Variants in CDH13 observed in about 807,000 individuals in gnomAD.
CDH13 encodes the protein cadherin-13.
In CDH13, 24 loss-of-function variants were observed where a neutral mutation model predicts 63.8. That is an observed-to-expected ratio of 0.38 (90% CI 0.27 to 0.53). The LOEUF (loss-of-function observed/expected upper bound fraction) is 0.53. Ranked by LOEUF, CDH13 falls within the 20% of genes least tolerant of loss-of-function variation. CDH13 has a pLI of 0.85. For synonymous variants in CDH13, 503 were observed against 355.3 expected, an observed-to-expected ratio of 1.42 and a Z score of -4.67; for missense variants, 1,049 against 903.1, an observed-to-expected ratio of 1.16 and a Z score of -2.07.
At chr16:82,809,665 A>T (rs1393500702) in intron 1 of CDH13, among the ~76,000 whole-genome samples, 1 of 152,124 alleles carries the variant, frequency 6.6e-6, no homozygotes, top group African/African-American at 2.4e-5. Flanking sequence ...ACATAAAGGT[A>T]TTAAAGTGAT....
chr16:83,094,321 CTT>C (rs2034084139), intron 3 of CDH13, among the ~76,000 whole-genome samples: 1 of 152,122 alleles, frequency 6.6e-6, no homozygotes, highest in African/African-American at 2.4e-5. Flanking sequence ...AAGAGGGAAA[CTT>C]TGGGAAATGT....
At chr16:83,129,521 G>A (rs549125000) in intron 4 of CDH13, among the ~76,000 whole-genome samples, 2 of 152,294 alleles carry the variant, frequency 1.3e-5, no homozygotes, top group African/African-American at 4.8e-5. Context: ...TGACTGGATT[G>A]TAATGTCAGG....
At chr16:83,265,753 T>TTC (rs369864549) in intron 5 of CDH13, among the ~76,000 whole-genome samples, 1 of 132,548 alleles carries the variant, frequency 7.5e-6, no homozygotes, top group Non-Finnish European at 1.7e-5. Flanking sequence ...TTTTTTTTTT[T>TTC]GGTCTGTGTC....
chr16:83,284,139 C>T (rs1156571936), intron 5 of CDH13, among the ~76,000 whole-genome samples: 1 of 152,096 alleles, frequency 6.6e-6, no homozygotes, highest in African/African-American at 2.4e-5. Context: ...TTTCAAAGAG[C>T]ATGTATTTCT....
intron 1 of CDH13, among the ~76,000 whole-genome samples, chr16:82,698,347 G>C (rs2030579145): frequency 6.6e-6 from 1 of 152,218 alleles, no homozygotes; most frequent in African/African-American, 2.4e-5. Context: ...TCTATCTCCT[G>C]GGTACTCTCT....
intron 11 of CDH13, among the ~76,000 whole-genome samples, chr16:83,753,634 T>C (rs1434776091): frequency 6.6e-6 from 1 of 152,114 alleles, no homozygotes; most frequent in African/African-American, 2.4e-5. Flanking sequence ...TTTAATTTAT[T>C]TGATGGAAGG....
chr16:83,635,690 T>C (rs1911198357), intron 8 of CDH13, among the ~76,000 whole-genome samples: 1 of 152,202 alleles, frequency 6.6e-6, no homozygotes, highest in Non-Finnish European at 1.5e-5. Flanking sequence ...GAGTCTTTTA[T>C]GTAGTCTATA....
intron 5 of CDH13, among the ~76,000 whole-genome samples, chr16:83,235,614 A>T (rs12933790): frequency 6.7e-6 from 1 of 148,762 alleles, no homozygotes; most frequent in Non-Finnish European, 1.5e-5. Flanking sequence ...GCAGAAGACA[A>T]ATTCTATTTC....
At chr16:82,731,927 C>T (rs1344227289) in intron 1 of CDH13, among the ~76,000 whole-genome samples, 3 of 152,258 alleles carry the variant, frequency 2.0e-5, no homozygotes, top group African/African-American at 7.2e-5. Flanking sequence ...TTCTCTTTAG[C>T]TTCCAGGCCT....
intron 1 of CDH13, among the ~76,000 whole-genome samples, chr16:82,770,711 T>C (rs1197786602): frequency 6.6e-6 from 1 of 152,210 alleles, no homozygotes; most frequent in Non-Finnish European, 1.5e-5. Context: ...ATTTTCTATA[T>C]TTCCTTTTTT....
chr16:82,851,183 C>A (rs1009822100), intron 1 of CDH13, among the ~76,000 whole-genome samples: 2 of 152,070 alleles, frequency 1.3e-5, no homozygotes, highest in African/African-American at 4.8e-5. Flanking sequence ...TGCCTGTAAT[C>A]CTAGCCCTTT....
At chr16:83,390,143 A>G (rs950470056) in intron 6 of CDH13, among the ~76,000 whole-genome samples, 1 of 152,174 alleles carries the variant, frequency 6.6e-6, no homozygotes. Flanking sequence ...ACCCCAGAAA[A>G]TCTTCAGACC....
At chr16:83,140,451 G>A (rs111283011) in intron 4 of CDH13, among the ~76,000 whole-genome samples, 2 of 152,214 alleles carry the variant, frequency 1.3e-5, no homozygotes, top group Admixed American at 6.5e-5. Context: ...CTCATCTGAT[G>A]TATCTTTTTT....
intron 5 of CDH13, among the ~76,000 whole-genome samples, chr16:83,313,680 T>C (rs925194494): frequency 1.3e-5 from 2 of 149,872 alleles, no homozygotes; most frequent in African/African-American, 4.9e-5. Flanking sequence ...AGGTCCTTGG[T>C]ATTACCAATT....
intron 8 of CDH13, among the ~76,000 whole-genome samples, chr16:83,662,813 A>G (rs1913563469): frequency 6.6e-6 from 1 of 152,220 alleles, no homozygotes; most frequent in Admixed American, 6.5e-5. Flanking sequence ...AACCTGCTCA[A>G]GGCAGCTGGA....
chr16:83,473,119 A>G (rs16960598), intron 6 of CDH13, among the ~76,000 whole-genome samples: 3,826 of 152,314 alleles, frequency 0.025, 166 homozygotes, highest in African/African-American at 0.087. Context: ...GTGTGACCCT[A>G]ATAGAGATCC....
At chr16:82,805,705 G>A (rs34338506) in intron 1 of CDH13, among the ~76,000 whole-genome samples, 18,768 of 152,140 alleles carry the variant, frequency 0.12, 1,426 homozygotes, top group African/African-American at 0.21. Context: ...CTCATAGTCT[G>A]GTGATTTCTA....
chr16:83,125,064 G>C (rs1239962948), intron 3 of CDH13, among the ~76,000 whole-genome samples: 1 of 152,182 alleles, frequency 6.6e-6, no homozygotes, highest in Admixed American at 6.5e-5. Flanking sequence ...TTCCTGACCA[G>C]GTGAGTAATC....
intron 4 of CDH13, among the ~76,000 whole-genome samples, chr16:83,192,591 T>A (rs941107507): frequency 1.3e-5 from 2 of 152,174 alleles, no homozygotes; most frequent in African/African-American, 4.8e-5. Context: ...TAATAGGATC[T>A]GAGTTTCCGT....
Sources: allele counts gnomAD v4.1 joint callset (sites outside exome capture counted in the v4.1 genomes callset), GRCh38; gene constraint gnomAD v4.1.1; transcripts MANE v1.5; gene names NCBI Gene and HGNC (gene_info 2026-07-23, HGNC 2026-07-21).